The following DRC1 variants were observed in gnomAD, a reference collection of about 807,000 sequenced individuals.
DRC1 encodes dynein regulatory complex subunit 1, also known as dynein regulatory complex protein 1.
A neutral mutation model predicts 98.7 loss-of-function variants in DRC1; 74 were observed. The ratio of observed to expected loss-of-function variants is 0.75; its 90% CI spans 0.62 to 0.91. The LOEUF (loss-of-function observed/expected upper bound fraction) is 0.91, where lower values mean the gene tolerates loss of function less well. Ranked by LOEUF, DRC1 falls within the 40% of genes least tolerant of loss-of-function variation. The pLI, the probability that DRC1 is intolerant of heterozygous loss-of-function variation, is 0.00. For synonymous variants in DRC1, 336 were observed against 334.1 expected (o/e 1.01, Z -0.06); for missense variants, 875 against 886.0 (o/e 0.99, Z 0.16).
intron 4 of DRC1, 141 bp downstream of exon 4, chr2:26,424,595 AC>A: frequency 1.1e-6 from 1 of 875,424 alleles, no homozygotes; most frequent in South Asian, 2.2e-5. Context: ...CATGTTATAA[AC>A]TTTTTTCCAT....
rs369464715 is a variant in DRC1, at chr2:26,456,470, G to A, written c.2176G>A (p.Glu726Lys). The stretch of plus-strand genomic sequence containing the variant: ...ACCCTTTCTTTTCCAGATCAACTCT[G>A]AACTGCAAGTTCCTCCCACTCAGGT... The part of the protein sequence containing the change: ...QQYLNSKINS[E>K]LQVPPTQVLR... The change falls in exon 17 of 17, where the codon GAA becomes AAA. Residue 726 changes from glutamate to lysine, a missense_variant. By Grantham distance (56) the Glu-to-Lys change is moderately conservative. Transcript: ENST00000288710. The A allele has an allele frequency of 6.2e-7, 1 of 1,614,018 alleles. No homozygotes were observed.
chr2:26,450,153 C>T, intron 12 of DRC1, 68 bp downstream of exon 12: 2 of 1,485,382 alleles, frequency 1.3e-6, no homozygotes, highest in Middle Eastern at 2.0e-4. Flanking sequence ...ATGGCCCTGC[C>T]ATTGCCTCAA....
In DRC1 at chr2:26,421,357, G is replaced by A. The variant is rs759868480; in HGVS notation, c.313G>A (p.Glu105Lys). 4.5e-5 allele frequency: 73 copies of A among 1,613,538 alleles called. No homozygotes were observed. The Admixed American group carries it at 1.2e-3, about 26-fold the overall frequency. ...TNIQVAIDIR[E>K]IHRRVEEEEI... is the part of the protein sequence containing the mutation. ...TATCCAGGTGGCTATAGATATCAGAGAGATTCACAGGAGAGTCGAAGAAGA... is the reference window on the plus strand; with the variant it reads ...TATCCAGGTGGCTATAGATATCAGAAAGATTCACAGGAGAGTCGAAGAAGA... The change falls in exon 3 of 17, where the codon GAG becomes AAG. Residue 105 changes from glutamate (E) to lysine (K), a missense_variant. Transcript: ENST00000288710.
intron 2 of DRC1, among the ~76,000 whole-genome samples, chr2:26,414,830 C>T (rs536971812): frequency 3.1e-4 from 47 of 152,268 alleles, no homozygotes; most frequent in South Asian, 1.5e-3. Flanking sequence ...CATTTCTGCT[C>T]TGTGCCTTTG....
At chr2:26,443,347 C>T (rs559067360) in intron 8 of DRC1, among the ~76,000 whole-genome samples, 8 of 152,216 alleles carry the variant, frequency 5.3e-5, no homozygotes, top group African/African-American at 9.6e-5. Flanking sequence ...TTTTATGGGC[C>T]GAGTTTCCAT....
At chr2:26,416,224 G>A (rs143802980) in intron 2 of DRC1, among the ~76,000 whole-genome samples, 1 of 152,206 alleles carries the variant, frequency 6.6e-6, no homozygotes, top group African/African-American at 2.4e-5. Context: ...GGGCAGGCTG[G>A]TCCCCACCCT....
At chr2:26,448,843 G>T (rs553205138) in intron 11 of DRC1, 40 bp downstream of exon 11, 1 of 1,599,662 alleles carries the variant, frequency 6.3e-7, no homozygotes, top group South Asian at 1.1e-5. Flanking sequence ...GACTCACGGG[G>T]GTGTGCAGGT....
intron 2 of DRC1, among the ~76,000 whole-genome samples, chr2:26,414,707 T>A (rs1408798084): frequency 6.6e-6 from 1 of 152,240 alleles, no homozygotes; most frequent in Non-Finnish European, 1.5e-5. Flanking sequence ...TCAAGGCCTT[T>A]GGTAGTCTGT....
intron 2 of DRC1, among the ~76,000 whole-genome samples, chr2:26,417,348 C>T (rs540101746): frequency 7.0e-4 from 104 of 149,232 alleles, no homozygotes; most frequent in South Asian, 2.3e-3. Context: ...TTTTTTCTTC[C>T]GAAACAGCCT....
Position 26,454,858 on chromosome 2 carries a change from C to G in DRC1, c.2063+68C>G. 6.2e-7 allele frequency: 1 copy of G among 1,601,962 alleles called. No individual in the cohort carries two copies. Among genetic ancestry groups the G allele is most frequent in the Non-Finnish European group, 8.5e-7 (1 of 1,172,756 alleles). On this transcript the variant is annotated intron_variant, in intron 15 of 16. Transcript: ENST00000288710. This position sits in a 1 kb window ranked among gnomAD's most constrained non-coding sequence, Gnocchi z 5.2. Reference sequence around the variant, plus strand: ...GTGAGGAACGGTTGTTGGGAGCAGCCGCGTTTGCTGCCTCCCTGTCCCACT... The same window carrying G: ...GTGAGGAACGGTTGTTGGGAGCAGCGGCGTTTGCTGCCTCCCTGTCCCACT...
rs747180571 is a variant in DRC1, at chr2:26,430,907, G to A, written c.765+35G>A. On this transcript the variant is annotated intron_variant, in intron 6 of 16. Transcript: ENST00000288710. The stretch of plus-strand genomic sequence containing the variant: ...GGAGCCTGTCAAGAGTGATCCGTGG[G>A]GTCTGGGTGATTTTTATTGTGACTG... The A allele has an allele frequency of 1.5e-5, 23 of 1,568,984 alleles. No individual in the cohort carries two copies. The South Asian group carries it at 2.0e-4, about 14-fold the overall frequency.
rs1664105208 is a variant in DRC1, at chr2:26,454,995, C to T, written c.2064-136C>T. 3.7e-6 allele frequency: 5 copies of T among 1,346,676 alleles called. No homozygotes were observed. Among genetic ancestry groups the T allele is most frequent in the Non-Finnish European group, 5.3e-6 (5 of 950,820 alleles). 83.4% of individuals were successfully genotyped at this position (1,346,676 alleles called of 1,614,324 possible). ...TTCTGTTCCTGCTAACCTGGCTCAC[C>T]TGGCGGCTGGGTGAAGAGTGTAGCT... is the stretch of plus-strand genomic sequence containing the variant. On this transcript the variant is annotated intron_variant, in intron 15 of 16. Coordinates refer to ENST00000288710, the MANE Select transcript of DRC1 (RefSeq NM_145038.5). The surrounding 1 kb of genome is among the most constrained non-coding windows in gnomAD (Gnocchi z 5.2).
At chr2:26,419,220 CT>C (rs1158152899) in intron 2 of DRC1, among the ~76,000 whole-genome samples, 1 of 152,050 alleles carries the variant, frequency 6.6e-6, no homozygotes, top group Non-Finnish European at 1.5e-5. Flanking sequence ...TTACATGATA[CT>C]ATAATTTAAA....
rs1371728198 is a variant in DRC1, at chr2:26,404,114, G to T, written c.155+1970G>T. 2.0e-5 allele frequency among the ~76,000 whole-genome samples: 3 copies of T among 151,886 alleles called. No individual in the cohort carries two copies. In the East Asian group the frequency reaches 5.8e-4, roughly 29 times the overall value. On this transcript the variant is annotated intron_variant, in intron 1 of 16. Coordinates refer to ENST00000288710, the MANE Select transcript of DRC1 (RefSeq NM_145038.5). ...GACTCTGTCTCAAAAAAAAAAAATT[G>T]TAAAAATCATTATTTGCCTGGAAGC...
At chr2:26,456,236 TGAA>T (rs552216446) in intron 16 of DRC1, among the ~76,000 whole-genome samples, 163 of 152,072 alleles carry the variant, frequency 1.1e-3, no homozygotes, top group Middle Eastern at 3.4e-3. Context: ...GGGCGGGAGA[TGAA>T]GAACGCTACC....
chr2:26,440,571 G>T, intron 8 of DRC1, 54 bp downstream of exon 8: 6 of 1,552,002 alleles, frequency 3.9e-6, no homozygotes, highest in Non-Finnish European at 5.2e-6. Flanking sequence ...TGAGAATAGG[G>T]ATGGATATGT....
At chr2:26,402,252 G>A in intron 1 of DRC1, 108 bp downstream of exon 1, 9 of 1,430,362 alleles carry the variant, frequency 6.3e-6, no homozygotes, top group South Asian at 1.5e-5. Flanking sequence ...GCAGAGTATG[G>A]GAAAGTAAAA....
chr2:26,409,676 C>A (rs944882765), intron 1 of DRC1, among the ~76,000 whole-genome samples: 2 of 152,146 alleles, frequency 1.3e-5, no homozygotes, highest in Admixed American at 1.3e-4. Context: ...AATAATGGAA[C>A]TCAAAGTTCT....
intron 7 of DRC1, among the ~76,000 whole-genome samples, chr2:26,433,929 A>G (rs1663501903): frequency 2.0e-5 from 3 of 150,690 alleles, no homozygotes; most frequent in Admixed American, 1.3e-4. Flanking sequence ...TAACAGAGGG[A>G]AAAAAAAAAT....
Sources: allele counts gnomAD v4.1 joint callset (sites outside exome capture counted in the v4.1 genomes callset), GRCh38; gene constraint gnomAD v4.1.1; non-coding constraint Gnocchi (gnomAD v3.1); transcripts MANE v1.5; gene names NCBI Gene and HGNC (gene_info 2026-07-23, HGNC 2026-07-21).